Variants in PRMT8 observed in about 807,000 individuals in gnomAD.
PRMT8 encodes the protein protein arginine N-methyltransferase 8.
PRMT8 carries 7 observed loss-of-function variants against 47.1 expected under a neutral mutation model. The observed-to-expected ratio is 0.15, with a 90% CI of 0.08 to 0.28. The LOEUF (loss-of-function observed/expected upper bound fraction) is 0.28. Ranked by LOEUF, PRMT8 falls within the 10% of genes least tolerant of loss-of-function variation. The probability of loss-of-function intolerance (pLI) is 1.00; values close to 1 mark genes in which losing one functional copy is unlikely to be tolerated. For missense variants in PRMT8, 237 were observed against 505.4 expected (o/e 0.47, Z 5.09); for synonymous variants, 188 against 186.5 (o/e 1.01, Z -0.07).
At chr12:3,496,214 A>ATATATATTTT in intron 1 of PRMT8, among the ~76,000 whole-genome samples, 32 of 27,754 alleles carry the variant, frequency 1.2e-3, no homozygotes, top group East Asian at 1.7e-3. Flanking sequence ...ATATATATAT[A>ATATATATTTT]TTTTTTTTTT....
At chr12:3,467,823 C>T (rs143168991) in intron 1 of PRMT8, among the ~76,000 whole-genome samples, 4 of 152,334 alleles carry the variant, frequency 2.6e-5, no homozygotes, top group South Asian at 2.1e-4. Context: ...GCACCTGAAG[C>T]GAAGCGAAGG....
Position 3,576,161 on chromosome 12 carries a change from G to A in PRMT8, c.713-710G>A, listed in dbSNP as rs1866940348. ...AGGGGACAAGGAGCACGGCTGACAAGGAGAGGGTTTGTGCTCCACTTGGGG... is the reference window on the plus strand; with the variant it reads ...AGGGGACAAGGAGCACGGCTGACAAAGAGAGGGTTTGTGCTCCACTTGGGG... On this transcript the variant is annotated intron_variant, in intron 6 of 9. Transcript: ENST00000382622. The surrounding 1 kb of genome is among the most constrained non-coding windows in gnomAD (Gnocchi z 4.0). 6.6e-6 allele frequency among the ~76,000 whole-genome samples: 1 copy of A among 152,204 alleles called. No homozygotes were observed. Among genetic ancestry groups the A allele is most frequent in the Admixed American group, 6.5e-5 (1 of 15,284 alleles).
At chr12:3,410,531 C>T (rs781395731) in intron 1 of PRMT8, among the ~76,000 whole-genome samples, 65 of 152,198 alleles carry the variant, frequency 4.3e-4, no homozygotes, top group African/African-American at 1.0e-3. Flanking sequence ...TTTTTTGAGA[C>T]GGAGTCTTGC....
At chr12:3,457,260 C>T (rs929901624) in intron 1 of PRMT8, among the ~76,000 whole-genome samples, 3 of 152,176 alleles carry the variant, frequency 2.0e-5, no homozygotes, top group African/African-American at 7.2e-5. Context: ...CACAAGCTCT[C>T]AGTTCTCAAC....
chr12:3,456,229 T>C lies in PRMT8; in HGVS notation c.48+74787T>C, dbSNP rs1357428373. 6.6e-6 allele frequency among the ~76,000 whole-genome samples: 1 copy of C among 152,176 alleles called. No homozygotes were observed. Among genetic ancestry groups the C allele is most frequent in the Non-Finnish European group, 1.5e-5 (1 of 68,026 alleles). ...CCAAGCGCCACCTTTGAGCGGGAAA[T>C]GGCAGCCTCCCCTTGCCTGCAGTTC... is the stretch of plus-strand genomic sequence containing the variant. On this transcript the variant is annotated intron_variant, in intron 1 of 9. Coordinates refer to the PRMT8 transcript ENST00000452611. This position sits in a 1 kb window ranked among gnomAD's most constrained non-coding sequence, Gnocchi z 4.2.
intron 1 of PRMT8, among the ~76,000 whole-genome samples, chr12:3,392,649 G>A (rs931434584): frequency 6.6e-6 from 1 of 151,784 alleles, no homozygotes; most frequent in Non-Finnish European, 1.5e-5. Context: ...CTTTGCTATT[G>A]TGAATAATGC....
intron 2 of PRMT8, among the ~76,000 whole-genome samples, chr12:3,543,199 C>T (rs955863784): frequency 1.2e-4 from 19 of 152,210 alleles, no homozygotes; most frequent in Admixed American, 1.2e-3. Context: ...TATAGACCAT[C>T]TCATAGGTCC....
intron 1 of PRMT8, among the ~76,000 whole-genome samples, chr12:3,473,672 C>T (rs1337077295): frequency 6.6e-6 from 1 of 152,102 alleles, no homozygotes; most frequent in Non-Finnish European, 1.5e-5. Context: ...TCCTCTTGGC[C>T]ACCCCCACAA....
At chr12:3,518,392 G>C (rs564655861) in intron 1 of PRMT8, among the ~76,000 whole-genome samples, 1 of 95,386 alleles carries the variant, frequency 1.0e-5, no homozygotes, top group Admixed American at 1.5e-4. Context: ...CTAGAGTTAG[G>C]AATTCTTTTT....
intron 4 of PRMT8, 80 bp downstream of exon 4, chr12:3,553,794 G>A: frequency 7.6e-7 from 1 of 1,310,386 alleles, no homozygotes; most frequent in African/African-American, 1.4e-5. Context: ...GGCATAGCGG[G>A]AGGAGCGCAG....
intron 5 of PRMT8, 83 bp downstream of exon 5, chr12:3,568,931 C>T (rs761202683): frequency 1.9e-4 from 304 of 1,566,374 alleles, no homozygotes; most frequent in Middle Eastern, 4.1e-4. Flanking sequence ...AGGAGGCATA[C>T]GAAGACTTCA....
At chr12:3,523,080 C>A (rs1032209056) in intron 1 of PRMT8, among the ~76,000 whole-genome samples, 1 of 152,094 alleles carries the variant, frequency 6.6e-6, no homozygotes, top group Non-Finnish European at 1.5e-5. Flanking sequence ...AAGTTCAATG[C>A]CTGCCAAGTC....
chr12:3,531,961 C>T (rs1483379788), intron 1 of PRMT8, among the ~76,000 whole-genome samples: 3 of 152,124 alleles, frequency 2.0e-5, no homozygotes, highest in Non-Finnish European at 4.4e-5. Flanking sequence ...CTGAAGCTGT[C>T]CTCGGCACTG....
At chr12:3,543,303 G>C (rs1285639496) in intron 2 of PRMT8, among the ~76,000 whole-genome samples, 1 of 152,196 alleles carries the variant, frequency 6.6e-6, no homozygotes, top group Non-Finnish European at 1.5e-5. Flanking sequence ...GAAAGGAGGT[G>C]GGGGGCACGT....
rs1345841753 is a variant in PRMT8, at chr12:3,592,213, TG to T, written c.980-17del. 1.3e-6 allele frequency: 2 copies of T among 1,550,450 alleles called. No homozygotes were observed. The highest frequency in any genetic ancestry group is 4.4e-5 in the Admixed American group (2 of 45,310). On this transcript the variant is annotated splice_polypyrimidine_tract_variant and intron_variant, in intron 8 of 9. Coordinates refer to ENST00000382622, the MANE Select transcript of PRMT8 (RefSeq NM_019854.5). ...TCTGACTCTTTCTTCCCACCTCCCCTGTTCTCTCACCCCTCAGCCCCTGATG... is the reference window on the plus strand; with the variant it reads ...TCTGACTCTTTCTTCCCACCTCCCCTTTCTCTCACCCCTCAGCCCCTGATG...
intron 1 of PRMT8, among the ~76,000 whole-genome samples, chr12:3,435,810 A>G (rs1462933361): frequency 6.6e-6 from 1 of 151,980 alleles, no homozygotes; most frequent in Non-Finnish European, 1.5e-5. Context: ...GCGAGCCACC[A>G]CGCCCGGCCA....
chr12:3,463,497 A>G (rs556131093), intron 1 of PRMT8: 2 of 152,316 alleles, frequency 1.3e-5, no homozygotes, highest in Admixed American at 1.3e-4. Context: ...CTGGATTTCC[A>G]TTTTACTCTT....
chr12:3,394,411 T>A (rs1864227786), intron 1 of PRMT8, among the ~76,000 whole-genome samples: 1 of 152,298 alleles, frequency 6.6e-6, no homozygotes, highest in East Asian at 1.9e-4. Context: ...TTGAGAGTTT[T>A]TAGCATGAAG....
chr12:3,488,835 T>C (rs79277334), upstream of PRMT8, among the ~76,000 whole-genome samples: 1,238 of 152,348 alleles, frequency 8.1e-3, 14 homozygotes, highest in African/African-American at 0.028. Flanking sequence ...AATCATAAGA[T>C]GTGAATGTTC....
Sources: gnomAD v4.1 joint callset for allele counts (sites outside exome capture counted in the v4.1 genomes callset) on GRCh38, gnomAD v4.1.1 for gene constraint, Gnocchi (gnomAD v3.1) non-coding constraint, MANE v1.5 for transcripts, NCBI Gene and HGNC (gene_info 2026-07-23, HGNC 2026-07-21) for gene names.